Variants in KIAA0319L observed in about 807,000 individuals in gnomAD.
The protein encoded by KIAA0319L is dyslexia-associated protein KIAA0319-like protein.
A neutral mutation model predicts 120.1 loss-of-function variants in KIAA0319L; 55 were observed. The ratio of observed to expected loss-of-function variants is 0.46; its 90% CI spans 0.37 to 0.57. The LOEUF (loss-of-function observed/expected upper bound fraction) is 0.57. Among genes scored for constraint, KIAA0319L ranks in the 20% least tolerant of loss-of-function variants. The probability of loss-of-function intolerance (pLI) is 0.00; values close to 1 mark genes in which losing one functional copy is unlikely to be tolerated. For synonymous variants in KIAA0319L, 398 were observed against 471.9 expected, an observed-to-expected ratio of 0.84 and a Z score of 2.03; for missense variants, 1,049 against 1,255.3, an observed-to-expected ratio of 0.84 and a Z score of 2.48.
chr1:35,467,357 TA>T (rs141567398), intron 6 of KIAA0319L, among the ~76,000 whole-genome samples: 135 of 147,076 alleles, frequency 9.2e-4, no homozygotes, highest in East Asian at 6.9e-3. Flanking sequence ...AAACTTAATA[TA>T]AAAAAAAAAC....
chr1:35,443,152 AC>A (rs1641351577), intron 17 of KIAA0319L, 124 bp from the exon 18 acceptor site: 1 of 1,175,446 alleles, frequency 8.5e-7, no homozygotes, highest in African/African-American at 1.5e-5. Context: ...TGTCCTCGAG[AC>A]CCACCTTGGG....
At chr1:35,482,294 T>C (rs1041924003) in intron 3 of KIAA0319L, among the ~76,000 whole-genome samples, 2 of 152,202 alleles carry the variant, frequency 1.3e-5, no homozygotes, top group East Asian at 1.9e-4. Flanking sequence ...ATTCATTTCT[T>C]AGCATTGCTA....
chr1:35,456,295 TA>T, intron 9 of KIAA0319L, 54 bp from the exon 10 acceptor site: 1 of 1,184,222 alleles, frequency 8.4e-7, no homozygotes, highest in Admixed American at 2.4e-5. Flanking sequence ...GAAAGAGGAA[TA>T]AACACTAGAA....
intron 1 of KIAA0319L, among the ~76,000 whole-genome samples, chr1:35,555,710 A>G (rs1241264330): frequency 6.6e-6 from 1 of 152,222 alleles, no homozygotes; most frequent in Non-Finnish European, 1.5e-5. Flanking sequence ...GTGAGTATGC[A>G]TGTGTGCATG....
chr1:35,449,867 C>G lies in KIAA0319L; in HGVS notation c.2353G>C (p.Asp785His). 1 of 1,613,998 alleles carries G rather than the reference C, an allele frequency of 6.2e-7. No individual in the cohort carries two copies. The highest frequency in any genetic ancestry group is 8.5e-7 in the Non-Finnish European group (1 of 1,179,984). ...TDRTTVEVKP[D>H]PRKNNLVEII... is the part of the protein sequence containing the mutation. Reference sequence around the variant, plus strand: ...CAGCCTCATCACTAAATGAACTCACCAGGTTTCACCTCCACAGTGGTCCGG... The same window carrying G: ...CAGCCTCATCACTAAATGAACTCACGAGGTTTCACCTCCACAGTGGTCCGG... The change falls in exon 15 of 21, where the codon GAT (aspartate) becomes CAT (histidine). Residue 785 changes from aspartate to histidine, a missense_variant and splice_region_variant. Transcript: ENST00000325722.
At chr1:35,440,904 C>T in intron 20 of KIAA0319L, 143 bp downstream of exon 20, 1 of 752,652 alleles carries the variant, frequency 1.3e-6, no homozygotes, top group South Asian at 1.5e-5. Context: ...AAATCTGACC[C>T]TCAGTCTTCA....
At chr1:35,517,283 G>A (rs1369076190) in intron 2 of KIAA0319L, among the ~76,000 whole-genome samples, 1 of 152,128 alleles carries the variant, frequency 6.6e-6, no homozygotes, top group Non-Finnish European at 1.5e-5. Flanking sequence ...GACCAAAGCT[G>A]GTGGTACCAC....
At chr1:35,492,293 A>C (rs899068514) in intron 3 of KIAA0319L, among the ~76,000 whole-genome samples, 3 of 152,126 alleles carry the variant, frequency 2.0e-5, no homozygotes, top group African/African-American at 7.2e-5. Flanking sequence ...AGGCAGGTGG[A>C]TCACAAGGTC....
At chr1:35,452,872 A>C (rs141479007) in intron 12 of KIAA0319L, among the ~76,000 whole-genome samples, 58 of 152,278 alleles carry the variant, frequency 3.8e-4, no homozygotes, top group African/African-American at 1.4e-3. Flanking sequence ...ATACAAAAAA[A>C]AACCCAGGCT....
At chr1:35,541,346 T>C (rs201035462) in intron 2 of KIAA0319L, among the ~76,000 whole-genome samples, 1 of 150,564 alleles carries the variant, frequency 6.6e-6, no homozygotes, top group South Asian at 2.1e-4. Context: ...TTTTTTTTTT[T>C]TCCTTTTTTT....
intron 3 of KIAA0319L, among the ~76,000 whole-genome samples, chr1:35,503,298 A>G (rs1203148): frequency 0.38 from 58,024 of 152,116 alleles, 14,186 homozygotes; most frequent in East Asian, 0.78. Context: ...CAATGAAGGA[A>G]GTATCCTGCT....
At chr1:35,493,898 C>A (rs1049308159) in intron 3 of KIAA0319L, among the ~76,000 whole-genome samples, 1 of 151,932 alleles carries the variant, frequency 6.6e-6, no homozygotes, top group Non-Finnish European at 1.5e-5. Flanking sequence ...AACTACAACA[C>A]GTCACTGAGA....
chr1:35,540,754 G>C (rs553386874), intron 2 of KIAA0319L, among the ~76,000 whole-genome samples: 4 of 152,248 alleles, frequency 2.6e-5, no homozygotes, highest in South Asian at 4.1e-4. Flanking sequence ...AAGAAGACTA[G>C]GTCTCTATTG....
At chr1:35,454,741 GAGGGC>G in intron 10 of KIAA0319L, 1 of 741,530 alleles carries the variant, frequency 1.3e-6, no homozygotes, top group Non-Finnish European at 1.9e-6. Context: ...TCTCATAAGA[GAGGGC>G]AGTATTGGGA....
chr1:35,507,322 T>A (rs1177023794), intron 2 of KIAA0319L, among the ~76,000 whole-genome samples, 187 bp from the exon 3 acceptor site: 1 of 152,158 alleles, frequency 6.6e-6, no homozygotes, highest in East Asian at 1.9e-4. Flanking sequence ...TATTTTAGGT[T>A]CTAGAAATAC....
chr1:35,477,666 CAAAAAAAAAAAAA>C (rs34588440), intron 4 of KIAA0319L, among the ~76,000 whole-genome samples: 896 of 55,718 alleles, frequency 0.016, 22 homozygotes, highest in African/African-American at 0.044. Flanking sequence ...GACTCTGTCT[CAAAAAAAAAAAAA>C]AAAAAAAAAC....
At chr1:35,551,145 C>T (rs940945843) in intron 2 of KIAA0319L, among the ~76,000 whole-genome samples, 2 of 152,170 alleles carry the variant, frequency 1.3e-5, no homozygotes, top group African/African-American at 4.8e-5. Context: ...ATGAGGACAA[C>T]CACATCACCC....
intron 2 of KIAA0319L, among the ~76,000 whole-genome samples, chr1:35,527,139 TGAGATA>T (rs1646179387): frequency 6.7e-6 from 1 of 150,260 alleles, no homozygotes; most frequent in African/African-American, 2.5e-5. Context: ...CTCTGCCTAT[TGAGATA>T]ATCACACGGT....
intron 9 of KIAA0319L, among the ~76,000 whole-genome samples, chr1:35,456,941 AAG>A: frequency 6.6e-6 from 1 of 150,830 alleles, no homozygotes; most frequent in Non-Finnish European, 1.5e-5. Context: ...GGAAGGAAGG[AAG>A]GAAGGAAGGA....
Sources: gnomAD v4.1 joint callset for allele counts (sites outside exome capture counted in the v4.1 genomes callset) on GRCh38, gnomAD v4.1.1 for gene constraint, MANE v1.5 for transcripts, NCBI Gene and HGNC (gene_info 2026-07-23, HGNC 2026-07-21) for gene names.